The following TENM3 variants were observed in gnomAD, a reference collection of about 807,000 sequenced individuals.
The protein encoded by TENM3 is teneurin-3.
In TENM3, 63 loss-of-function variants were observed where a neutral mutation model predicts 255.1. That is an observed-to-expected ratio of 0.25 (90% CI 0.20 to 0.30). The LOEUF is 0.30. TENM3 is among the 10% of genes least tolerant of loss of function. The pLI, the probability that TENM3 is intolerant of heterozygous loss-of-function variation, is 1.00. For synonymous variants in TENM3, 1,306 were observed against 1,322.3 expected, an observed-to-expected ratio of 0.99 and a Z score of 0.27; for missense variants, 2,929 against 3,461.1, an observed-to-expected ratio of 0.85 and a Z score of 3.86.
chr4:181,773,470 A>C, the TENM3 span, among the ~76,000 whole-genome samples: 4 of 152,298 alleles, frequency 2.6e-5, no homozygotes, highest in African/African-American at 9.6e-5. Flanking sequence ...ATGCACCTTA[A>C]AGACTATCTG....
the TENM3 span, among the ~76,000 whole-genome samples, chr4:181,586,242 G>A: frequency 1.3e-5 from 2 of 152,100 alleles, no homozygotes; most frequent in Non-Finnish European, 2.9e-5. Flanking sequence ...CGGTTCTCAC[G>A]CAGCTAATGA....
At chr4:182,178,560 C>T (rs1752658427) in intron 1 of TENM3, among the ~76,000 whole-genome samples, 1 of 151,984 alleles carries the variant, frequency 6.6e-6, no homozygotes, top group Non-Finnish European at 1.5e-5. Context: ...TGTTTTAGGT[C>T]GTGTAATTTC....
chr4:181,597,456 A>T, the TENM3 span, among the ~76,000 whole-genome samples: 1 of 151,514 alleles, frequency 6.6e-6, no homozygotes, highest in Non-Finnish European at 1.5e-5. Context: ...ATCTGCCAAC[A>T]TCTGTATATT....
the TENM3 span, among the ~76,000 whole-genome samples, chr4:182,101,100 G>GGA: frequency 0.074 from 751 of 10,180 alleles, 245 homozygotes; most frequent in Non-Finnish European, 0.15. Flanking sequence ...GGGAGGGAGG[G>GGA]AGGGAGGAAG....
the TENM3 span, among the ~76,000 whole-genome samples, chr4:181,873,360 C>A: frequency 6.6e-6 from 1 of 152,148 alleles, no homozygotes; most frequent in Non-Finnish European, 1.5e-5. Flanking sequence ...TGAGCCACCA[C>A]GCCCGGCCTA....
chr4:182,422,729 ACT>A (rs1491405139), intron 3 of TENM3, among the ~76,000 whole-genome samples: 3 of 152,144 alleles, frequency 2.0e-5, no homozygotes, highest in African/African-American at 7.2e-5. Context: ...AATTTTAAAA[ACT>A]TTTTTTTACT....
the TENM3 span, among the ~76,000 whole-genome samples, chr4:181,900,436 T>C: frequency 6.6e-6 from 1 of 152,196 alleles, no homozygotes; most frequent in African/African-American, 2.4e-5. Flanking sequence ...TCACATATCA[T>C]ATATAAATAT....
At chr4:182,554,863 G>A (rs1042197734) in intron 3 of TENM3, among the ~76,000 whole-genome samples, 1 of 151,042 alleles carries the variant, frequency 6.6e-6, no homozygotes, top group Non-Finnish European at 1.5e-5. Flanking sequence ...ACTTCTGTCC[G>A]TTTCCTTTTA....
At chr4:182,651,838 G>A (rs975709815) in intron 5 of TENM3, among the ~76,000 whole-genome samples, 1 of 152,284 alleles carries the variant, frequency 6.6e-6, no homozygotes, top group Middle Eastern at 3.4e-3. Context: ...TCTTACTATA[G>A]CATGCTTTTA....
At chr4:182,208,413 C>T (rs2149872247) in intron 1 of TENM3, among the ~76,000 whole-genome samples, 1 of 152,296 alleles carries the variant, frequency 6.6e-6, no homozygotes, top group Admixed American at 6.5e-5. Flanking sequence ...CGTAAAGGGA[C>T]AGATAGTATT....
Position 182,463,101 on chromosome 4 carries a change from T to A in TENM3, c.511+116172T>A, listed in dbSNP as rs1407999811. On this transcript the variant is annotated intron_variant, in intron 3 of 27. Coordinates refer to ENST00000511685, the MANE Select transcript of TENM3 (RefSeq NM_001080477.4). ...CTGCGTTTGGTTGAAACAATCCTCG[T>A]GTACATGGTCCCAGCTGGTTCAAGC... 4.6e-5 allele frequency among the ~76,000 whole-genome samples: 7 copies of A among 152,094 alleles called. No homozygotes were observed. The East Asian group carries it at 9.6e-4, about 21-fold the overall frequency.
the TENM3 span, among the ~76,000 whole-genome samples, chr4:181,563,324 C>T: frequency 6.6e-6 from 1 of 152,148 alleles, no homozygotes; most frequent in Non-Finnish European, 1.5e-5. Context: ...CTGGCTTCAT[C>T]TGTACTAGGT....
At chr4:181,888,935 TG>T in the TENM3 span, among the ~76,000 whole-genome samples, 4 of 151,886 alleles carry the variant, frequency 2.6e-5, no homozygotes, top group Admixed American at 2.6e-4. Context: ...CCACCCTCAC[TG>T]GGGAGGGGGA....
At chr4:181,598,965 C>G in the TENM3 span, among the ~76,000 whole-genome samples, 1 of 152,220 alleles carries the variant, frequency 6.6e-6, no homozygotes, top group Middle Eastern at 3.4e-3. Context: ...ACTTACCTTG[C>G]CCTTTTCAAA....
chr4:182,573,313 C>T (rs1397669804), intron 3 of TENM3, among the ~76,000 whole-genome samples: 1 of 152,040 alleles, frequency 6.6e-6, no homozygotes, highest in African/African-American at 2.4e-5. Flanking sequence ...TTTATATTGA[C>T]AACATAAATG....
the TENM3 span, among the ~76,000 whole-genome samples, chr4:181,937,726 CT>C: frequency 1.6e-4 from 24 of 152,130 alleles, no homozygotes; most frequent in South Asian, 4.1e-4. Flanking sequence ...TTCAGAAGAC[CT>C]TAGAACAAGC....
chr4:181,474,743 A>C, the TENM3 span, among the ~76,000 whole-genome samples: 1 of 148,322 alleles, frequency 6.7e-6, no homozygotes, highest in African/African-American at 2.6e-5. Context: ...TCAAAACAAA[A>C]AAAAAAAAAA....
At chr4:181,928,031 A>G in the TENM3 span, among the ~76,000 whole-genome samples, 2 of 152,296 alleles carry the variant, frequency 1.3e-5, no homozygotes, top group East Asian at 1.9e-4. Flanking sequence ...AAGGTCACCA[A>G]CATCAAAGAC....
intron 1 of TENM3, among the ~76,000 whole-genome samples, chr4:182,202,348 C>G (rs1754238903): frequency 6.8e-6 from 1 of 148,098 alleles, no homozygotes; most frequent in Non-Finnish European, 1.5e-5. Flanking sequence ...TGTTGTTGCC[C>G]AGGCTGGAGT....
Sources: allele counts gnomAD v4.1 joint callset (sites outside exome capture counted in the v4.1 genomes callset), GRCh38; gene constraint gnomAD v4.1.1; transcripts MANE v1.5; gene names NCBI Gene and HGNC (gene_info 2026-07-23, HGNC 2026-07-21).